The following LSM8 variants were observed in gnomAD, a reference collection of about 807,000 sequenced individuals.
LSM8 encodes LSM8 homolog, U6 small nuclear RNA associated, also known as LSM8 U6 small nuclear RNA associated.
LSM8 carries 14 observed loss-of-function variants against 15.0 expected under a neutral mutation model. The observed-to-expected ratio is 0.93, with a 90% CI of 0.62 to 1.46. LSM8 has a LOEUF of 1.46. Among genes scored for constraint, LSM8 ranks in the 40% most tolerant of loss-of-function variants. The pLI is 0.00. For missense variants in LSM8, 90 were observed against 115.4 expected, an observed-to-expected ratio of 0.78 and a Z score of 1.01; for synonymous variants, 50 against 42.1, an observed-to-expected ratio of 1.19 and a Z score of -0.73.
rs963720268 is a variant in LSM8, at chr7:118,199,670, A to G, written c.*7668A>G. 6.6e-6 allele frequency among the ~76,000 whole-genome samples: 1 copy of G among 152,138 alleles called. No homozygotes were observed. Among genetic ancestry groups the G allele is most frequent in the Non-Finnish European group, 1.5e-5 (1 of 68,014 alleles). On this transcript the variant is annotated 3_prime_UTR_variant, in exon 4 of 4. Coordinates refer to ENST00000249299, the MANE Select transcript of LSM8 (RefSeq NM_016200.5). ...CAATGAGAGTTACCAAATGCCAGACACTGCTAAGTGCTGGGAACTTAGATG... is the reference window on the plus strand; with the variant it reads ...CAATGAGAGTTACCAAATGCCAGACGCTGCTAAGTGCTGGGAACTTAGATG...
At chr7:118,190,486 T>A (rs1196269964) in intron 3 of LSM8, 2 of 152,220 alleles carry the variant, frequency 1.3e-5, no homozygotes, top group Non-Finnish European at 2.9e-5. Flanking sequence ...GGTTAATTGA[T>A]GTCTTGTTAG....
Position 118,199,935 on chromosome 7 carries a change from A to G in LSM8, c.*7933A>G, listed in dbSNP as rs1404795253. On this transcript the variant is annotated 3_prime_UTR_variant, in exon 4 of 4. Transcript: ENST00000249299. ...TTGTCAATGTAGGCATTTTGCTCAT[A>G]GCTTAGGGCAAGTGATAAAAAACAG... 1.3e-5 allele frequency among the ~76,000 whole-genome samples: 2 copies of G among 152,106 alleles called. No individual in the cohort carries two copies. Among genetic ancestry groups the G allele is most frequent in the Non-Finnish European group, 2.9e-5 (2 of 68,018 alleles).
chr7:118,193,604 ATGT>A lies in LSM8; in HGVS notation c.*1604_*1606del, dbSNP rs1449500487. Among the ~76,000 whole-genome samples, 1 of 152,040 alleles carries A rather than the reference ATGT, an allele frequency of 6.6e-6. No individual in the cohort carries two copies. The highest frequency in any genetic ancestry group is 1.9e-4 in the East Asian group (1 of 5,190). Reference sequence around the variant, plus strand: ...TCATAAGTACTTGACTTGTAGTATAATGTTTTATAATCAATTTATTAATAAAAT... The same window carrying A: ...TCATAAGTACTTGACTTGTAGTATAATTTATAATCAATTTATTAATAAAAT... On this transcript the variant is annotated 3_prime_UTR_variant, in exon 4 of 4. Transcript: ENST00000249299.
Position 118,194,182 on chromosome 7 carries a change from A to G in LSM8, c.*2180A>G, listed in dbSNP as rs1809036870. Among the ~76,000 whole-genome samples, 1 of 152,094 alleles carries G rather than the reference A, an allele frequency of 6.6e-6. No homozygotes were observed. On this transcript the variant is annotated 3_prime_UTR_variant, in exon 4 of 4. Transcript: ENST00000249299. ...GTGTCAATATTTTATATTTAATGAGACATTTATTCTATAATCAGTTCTTAT... is the reference window on the plus strand; with the variant it reads ...GTGTCAATATTTTATATTTAATGAGGCATTTATTCTATAATCAGTTCTTAT...
chr7:118,200,513 C>T lies in LSM8; in HGVS notation c.*8511C>T. 6.6e-6 allele frequency among the ~76,000 whole-genome samples: 1 copy of T among 152,182 alleles called. No individual in the cohort carries two copies. Among genetic ancestry groups the T allele is most frequent in the East Asian group, 1.9e-4 (1 of 5,180 alleles). On this transcript the variant is annotated 3_prime_UTR_variant, in exon 4 of 4. Coordinates refer to ENST00000249299, the MANE Select transcript of LSM8 (RefSeq NM_016200.5). Reference sequence around the variant, plus strand: ...AACTAAAAATAAGTGGTCTCTATCACGTTGAAATTACTTTAATATTTTCAT... The same window carrying T: ...AACTAAAAATAAGTGGTCTCTATCATGTTGAAATTACTTTAATATTTTCAT...
In LSM8 at chr7:118,184,254, C is replaced by A. The variant is rs112883951; in HGVS notation, c.31C>A (p.Arg11=). MTSALENYIN[R]TVAVITSDGR... ...GTCCGCTTTGGAGAACTACATCAAC[C>A]GTATCCTCAAGCTGGCCGCCGCGGG... The change falls in exon 1 of 4, where the codon CGA becomes AGA. Residue 11 remains arginine (R), a splice_region_variant and synonymous_variant. Transcript: ENST00000249299. 1.3e-6 allele frequency: 2 copies of A among 1,509,102 alleles called. No homozygotes were observed. The allele number at this position is 1,509,102 out of a possible 1,614,324, so 93.5% of individuals were successfully genotyped here.
Position 118,198,531 on chromosome 7 carries a change from A to G in LSM8, c.*6529A>G, listed in dbSNP as rs1809117629. Among the ~76,000 whole-genome samples the G allele has an allele frequency of 6.6e-6, 1 of 152,218 alleles. No individual in the cohort carries two copies. Among genetic ancestry groups the G allele is most frequent in the African/African-American group, 2.4e-5 (1 of 41,464 alleles). On this transcript the variant is annotated 3_prime_UTR_variant, in exon 4 of 4. Coordinates refer to ENST00000249299, the MANE Select transcript of LSM8 (RefSeq NM_016200.5). ...TGAAGGCAATATATAAAAGCTTCCC[A>G]TGCATGGCAAAGATGCATTTTCCTC...
At chr7:118,189,993 G>A (rs1046169810) in intron 3 of LSM8, 27 of 152,264 alleles carry the variant, frequency 1.8e-4, no homozygotes, top group Admixed American at 5.2e-4. Flanking sequence ...TGCCAAATCA[G>A]TTTTCTAGTG....
intron 1 of LSM8, 190 bp from the exon 2 acceptor site, chr7:118,185,464 T>G (rs1808870807): frequency 1.8e-6 from 1 of 564,322 alleles, no homozygotes; most frequent in Admixed American, 3.2e-5. Flanking sequence ...CAAGCTGGTC[T>G]CACCTCAAGT....
intron 2 of LSM8, among the ~76,000 whole-genome samples, chr7:118,186,776 A>G (rs1808895721): frequency 1.3e-5 from 2 of 152,246 alleles, no homozygotes; most frequent in African/African-American, 4.8e-5. Context: ...TAAGGAAGCA[A>G]TGATGTTTGC....
rs1809163652 is a variant in LSM8, at chr7:118,200,970, T to C, written c.*8968T>C. On this transcript the variant is annotated 3_prime_UTR_variant, in exon 4 of 4. Coordinates refer to ENST00000249299, the MANE Select transcript of LSM8 (RefSeq NM_016200.5). ...CACTAATATTAGTATCTAAATTATA[T>C]TAAAATCTAATTTGGTAGCAATTGA... is the stretch of plus-strand genomic sequence containing the variant. Among the ~76,000 whole-genome samples the C allele has an allele frequency of 6.6e-6, 1 of 152,112 alleles. No homozygotes were observed. The highest frequency in any genetic ancestry group is 6.6e-5 in the Admixed American group (1 of 15,236).
chr7:118,192,146 C>T lies in LSM8; in HGVS notation c.*144C>T. On this transcript the variant is annotated 3_prime_UTR_variant, in exon 4 of 4. Coordinates refer to ENST00000249299, the MANE Select transcript of LSM8 (RefSeq NM_016200.5). ...TAATATGTAAATTAAAATATTTCTA[C>T]ATTTTATTGAAAAAAAAACCTTTTT... 2.1e-6 allele frequency: 1 copy of T among 476,358 alleles called. No homozygotes were observed. Among genetic ancestry groups the T allele is most frequent in the Non-Finnish European group, 3.4e-6 (1 of 297,976 alleles). The allele number at this position is 476,358 out of a possible 1,614,324, so 29.5% of individuals were successfully genotyped here.
intron 3 of LSM8, 60 bp from the exon 4 acceptor site, chr7:118,191,852 T>G (rs2115923858): frequency 7.5e-7 from 1 of 1,336,636 alleles, no homozygotes; most frequent in Non-Finnish European, 1.1e-6. Context: ...ATTAGTAAGA[T>G]TTTTGAAACA....
chr7:118,184,440 G>C (rs758523434), intron 1 of LSM8, 186 bp downstream of exon 1: 3 of 600,326 alleles, frequency 5.0e-6, no homozygotes, highest in Non-Finnish European at 7.8e-6. Context: ...CGGGCCCAGG[G>C]GTCCTTTCCA....
At position 118,200,946 on chromosome 7, in the gene LSM8, A is replaced by C. The variant is rs1426182128; in HGVS notation, c.*8944A>C. 1.3e-5 allele frequency among the ~76,000 whole-genome samples: 2 copies of C among 152,082 alleles called. No individual in the cohort carries two copies. The highest frequency in any genetic ancestry group is 4.8e-5 in the African/African-American group (2 of 41,436). On this transcript the variant is annotated 3_prime_UTR_variant, in exon 4 of 4. Coordinates refer to ENST00000249299, the MANE Select transcript of LSM8 (RefSeq NM_016200.5). ...ATTAGCAAACACTTTTCACATATAC[A>C]CTAATATTAGTATCTAAATTATATT...
In LSM8 at chr7:118,194,508, G is replaced by T. The variant is rs973048361; in HGVS notation, c.*2506G>T. 3.3e-5 allele frequency among the ~76,000 whole-genome samples: 5 copies of T among 152,076 alleles called. No homozygotes were observed. The highest frequency in any genetic ancestry group is 1.2e-4 in the African/African-American group (5 of 41,426). ...AAATCTTGATCCCAGAAGAGCAAGA[G>T]AGAAAGTTTTACTAATATTTGCTTA... On this transcript the variant is annotated 3_prime_UTR_variant, in exon 4 of 4. Transcript: ENST00000249299.
At chr7:118,187,824 T>G (rs1393190342) in intron 2 of LSM8, among the ~76,000 whole-genome samples, 2 of 152,214 alleles carry the variant, frequency 1.3e-5, no homozygotes, top group East Asian at 3.8e-4. Flanking sequence ...GTACAGTGTG[T>G]TTAGCACACT....
At position 118,193,727 on chromosome 7, in the gene LSM8, A is replaced by G. The variant is rs1450943538; in HGVS notation, c.*1725A>G. On this transcript the variant is annotated 3_prime_UTR_variant, in exon 4 of 4. Coordinates refer to ENST00000249299, the MANE Select transcript of LSM8 (RefSeq NM_016200.5). ...TTGAATTGGTAAAGTAATTCCAAAAATTAAATAAGAATACACATTGTTCAG... is the reference window on the plus strand; with the variant it reads ...TTGAATTGGTAAAGTAATTCCAAAAGTTAAATAAGAATACACATTGTTCAG... Among the ~76,000 whole-genome samples the G allele has an allele frequency of 6.6e-6, 1 of 152,272 alleles. No homozygotes were observed. Among genetic ancestry groups the G allele is most frequent in the African/African-American group, 2.4e-5 (1 of 41,574 alleles).
Position 118,199,000 on chromosome 7 carries a change from A to G in LSM8, c.*6998A>G, listed in dbSNP as rs575805770. On this transcript the variant is annotated 3_prime_UTR_variant, in exon 4 of 4. Coordinates refer to ENST00000249299, the MANE Select transcript of LSM8 (RefSeq NM_016200.5). ...AGGCTCAAGAGAGCTTATTAGCAAT[A>G]CTTTGCATGTGTTGGTAAACACCGT... 5.3e-5 allele frequency among the ~76,000 whole-genome samples: 8 copies of G among 152,330 alleles called. No homozygotes were observed. The South Asian group carries it at 1.7e-3, about 32-fold the overall frequency.
Sources: gnomAD v4.1 joint callset for allele counts (sites outside exome capture counted in the v4.1 genomes callset) on GRCh38, gnomAD v4.1.1 for gene constraint, MANE v1.5 for transcripts, NCBI Gene and HGNC (gene_info 2026-07-23, HGNC 2026-07-21) for gene names.